SP6: variants seen among roughly 807,000 people sequenced by gnomAD.
SP6 encodes the protein Sp6 transcription factor, also known as transcription factor Sp6.
SP6 carries 10 observed loss-of-function variants against 23.4 expected under a neutral mutation model. The ratio of observed to expected loss-of-function variants is 0.43; its 90% CI spans 0.26 to 0.72. SP6 has a LOEUF of 0.72. Among genes scored for constraint, SP6 ranks in the 30% least tolerant of loss-of-function variants. SP6 has a pLI of 0.23. For synonymous variants in SP6, 238 were observed against 238.7 expected, an observed-to-expected ratio of 1.00 and a Z score of 0.03; for missense variants, 482 against 523.8, an observed-to-expected ratio of 0.92 and a Z score of 0.78.
At chr17:47,853,601 C>T (rs186137972), upstream of SP6, among the ~76,000 whole-genome samples, 2 of 152,136 alleles carry the variant, frequency 1.3e-5, no homozygotes, top group African/African-American at 4.8e-5. Flanking sequence ...TCTTCCTGGC[C>T]CCTTCTGCCT....
intron 1 of SP6, among the ~76,000 whole-genome samples, chr17:47,849,205 C>G (rs2033930165): frequency 6.6e-6 from 1 of 152,122 alleles, no homozygotes; most frequent in Admixed American, 6.5e-5. Flanking sequence ...GAGATACCCC[C>G]ACCAGAGAAA....
rs2033924407 is a variant in SP6, at chr17:47,848,736, A to C, written c.-57-250T>G. Among the ~76,000 whole-genome samples the C allele has an allele frequency of 6.6e-6, 1 of 151,988 alleles. No individual in the cohort carries two copies. The highest frequency in any genetic ancestry group is 2.4e-5 in the African/African-American group (1 of 41,354). On this transcript the variant is annotated intron_variant, in intron 1 of 1. Transcript: ENST00000536300. The surrounding 1 kb of genome is among the most constrained non-coding windows in gnomAD (Gnocchi z 5.3). ...GCCGTATGACCCAGCTCATCCCTAG[A>C]GTTGGGCCACTCCCAGGATGGTAGG...
At chr17:47,852,971 G>C (rs1252238915), upstream of SP6, among the ~76,000 whole-genome samples, 4 of 152,174 alleles carry the variant, frequency 2.6e-5, no homozygotes, top group African/African-American at 9.7e-5. Flanking sequence ...ATATTGGTTG[G>C]ATTAAGGTGT....
upstream of SP6, among the ~76,000 whole-genome samples, chr17:47,852,184 G>A (rs531286687): frequency 4.1e-4 from 62 of 152,294 alleles, no homozygotes; most frequent in African/African-American, 1.4e-3. Flanking sequence ...TTTGGGGAGG[G>A]GTCTTGGATT....
the SP6 span, among the ~76,000 whole-genome samples, chr17:47,873,657 C>T: frequency 3.3e-5 from 5 of 152,190 alleles, no homozygotes; most frequent in African/African-American, 9.6e-5. Flanking sequence ...CCCCTCCCTG[C>T]GTCAGGGCCA....
upstream of SP6, among the ~76,000 whole-genome samples, chr17:47,860,407 T>TC (rs1157064749): frequency 2.0e-5 from 3 of 152,352 alleles, no homozygotes; most frequent in Non-Finnish European, 2.9e-5. Flanking sequence ...GATCGTGAGT[T>TC]CCTTGAGGGA....
At position 47,845,314 on chromosome 17, in the gene SP6, AG is replaced by A. The variant is rs1325597836; in HGVS notation, c.*1984del. The A allele has an allele frequency of 2.0e-5, 3 of 152,364 alleles. No individual in the cohort carries two copies. In the East Asian group the frequency reaches 5.8e-4, roughly 29 times the overall value. 9.4% of individuals were successfully genotyped at this position (152,364 alleles called of 1,614,324 possible). On this transcript the variant is annotated 3_prime_UTR_variant, in exon 2 of 2. Coordinates refer to ENST00000536300, the MANE Select transcript of SP6 (RefSeq NM_001258248.2). ...CCTCTTTCCCCCTCTCCACCTGGCC[AG>A]GCAACCTGCAGGCACTGCCAAATCT...
chr17:47,868,426 G>A, the SP6 span, among the ~76,000 whole-genome samples: 3 of 152,178 alleles, frequency 2.0e-5, no homozygotes, highest in East Asian at 1.9e-4. Context: ...CCATGGGGAC[G>A]ACCCAAGTCT....
rs762826994 is a variant in SP6, at chr17:47,847,999, TG to T, written c.430del (p.His144ThrfsTer40). 6.2e-7 allele frequency: 1 copy of T among 1,601,140 alleles called. No individual in the cohort carries two copies. The highest frequency in any genetic ancestry group is 8.5e-7 in the Non-Finnish European group (1 of 1,173,942). On this transcript the variant is annotated frameshift_variant, in exon 2 of 2. Coordinates refer to ENST00000536300, the MANE Select transcript of SP6 (RefSeq NM_001258248.2). LOFTEE classifies it high-confidence loss of function. Reference sequence around the variant, plus strand: ...CAAGCCCGCCTGAAGCGCCCCCGGGTGGCCAGGTGAGGTCAGCGCGCCCTGA... The same window carrying T: ...CAAGCCCGCCTGAAGCGCCCCCGGGTGCCAGGTGAGGTCAGCGCGCCCTGA... ...HTQGALTSPG[H>X]PGALQAGLGG...
upstream of SP6, chr17:47,855,975 T>C (rs8064241): frequency 0.53 from 80,309 of 152,078 alleles, 22,111 homozygotes; most frequent in African/African-American, 0.67. Flanking sequence ...AGGGACAAAG[T>C]GGTTCTTGCA....
the SP6 span, among the ~76,000 whole-genome samples, chr17:47,861,126 A>G: frequency 6.6e-6 from 1 of 152,114 alleles, no homozygotes; most frequent in Non-Finnish European, 1.5e-5. Flanking sequence ...CCCCTTTTTA[A>G]TTTGCTTCCT....
In SP6 at chr17:47,847,106, AT is replaced by A; in HGVS notation, c.*192del. 2 of 621,050 alleles carry A rather than the reference AT, an allele frequency of 3.2e-6. No homozygotes were observed. Among genetic ancestry groups the A allele is most frequent in the Non-Finnish European group, 5.5e-6 (2 of 362,714 alleles). 38.5% of individuals were successfully genotyped at this position (621,050 alleles called of 1,614,324 possible). A position where few individuals can be genotyped will look rare whatever the true frequency, so the allele number is the denominator to read the frequency against. On this transcript the variant is annotated 3_prime_UTR_variant, in exon 2 of 2. Coordinates refer to ENST00000536300, the MANE Select transcript of SP6 (RefSeq NM_001258248.2). ...GCGCAGCTCCTACCGACCCAGTCAA[AT>A]TCATCCTGCCTAGTAGCCCCAGAGA...
the SP6 span, among the ~76,000 whole-genome samples, chr17:47,863,601 T>C: frequency 7.0e-6 from 1 of 143,186 alleles, no homozygotes; most frequent in African/African-American, 2.5e-5. Flanking sequence ...AGAGTTTCTC[T>C]CTTGTTGCCC....
chr17:47,856,809 C>T (rs1402688961), upstream of SP6, among the ~76,000 whole-genome samples: 2 of 151,860 alleles, frequency 1.3e-5, no homozygotes, highest in Non-Finnish European at 2.9e-5. Flanking sequence ...AGCAGTTGTA[C>T]CCCCTCTACA....
At chr17:47,875,689 C>T in the SP6 span, among the ~76,000 whole-genome samples, 75 of 152,308 alleles carry the variant, frequency 4.9e-4, 1 homozygote, top group Middle Eastern at 6.8e-3. Context: ...TCAGGGAAAC[C>T]GAGGGTGGAG....
chr17:47,851,734 C>T (rs1411397395), upstream of SP6, among the ~76,000 whole-genome samples: 1 of 148,564 alleles, frequency 6.7e-6, no homozygotes, highest in Non-Finnish European at 1.5e-5. Context: ...CCTGCCCTGC[C>T]TCACCCCCCG....
At chr17:47,872,102 A>G in the SP6 span, among the ~76,000 whole-genome samples, 2 of 152,018 alleles carry the variant, frequency 1.3e-5, no homozygotes, top group Non-Finnish European at 2.9e-5. Flanking sequence ...AGAAAAAAAG[A>G]GAAGCTATCA....
chr17:47,863,029 C>T, the SP6 span, among the ~76,000 whole-genome samples: 10 of 152,366 alleles, frequency 6.6e-5, no homozygotes, highest in East Asian at 1.9e-3. Context: ...GGGCGCCCAG[C>T]GCCAAGCAGC....
chr17:47,857,415 T>C (rs1202428450), upstream of SP6, among the ~76,000 whole-genome samples: 1 of 152,226 alleles, frequency 6.6e-6, no homozygotes, highest in Non-Finnish European at 1.5e-5. Flanking sequence ...TTGCATAAAT[T>C]ATAAGGTGAG....
Sources: gnomAD v4.1 joint callset for allele counts (sites outside exome capture counted in the v4.1 genomes callset) on GRCh38, gnomAD v4.1.1 for gene constraint, Gnocchi (gnomAD v3.1) non-coding constraint, MANE v1.5 for transcripts, NCBI Gene and HGNC (gene_info 2026-07-23, HGNC 2026-07-21) for gene names.